Variants in GRM4 observed in about 807,000 individuals in gnomAD.
GRM4 encodes the protein metabotropic glutamate receptor 4.
GRM4 carries 28 observed loss-of-function variants against 81.7 expected under a neutral mutation model. The observed-to-expected ratio is 0.34, with a 90% confidence interval of 0.25 to 0.47. The LOEUF is 0.47. Among genes scored for constraint, GRM4 ranks in the 20% least tolerant of loss-of-function variants. The pLI is 1.00. For missense variants in GRM4, 948 were observed against 1,290.0 expected (o/e 0.73, Z 4.06); for synonymous variants, 488 against 528.8 (o/e 0.92, Z 1.06).
intron 6 of GRM4, chr6:34,054,852 GCACTTC>G (rs1366536783): frequency 2.0e-5 from 3 of 152,164 alleles, no homozygotes; most frequent in Non-Finnish European, 4.4e-5. Flanking sequence ...TCCCGCCTGG[GCACTTC>G]CAAGAACCGA....
Position 34,137,000 on chromosome 6 carries a change from A to C in GRM4, c.-363-3141T>G, listed in dbSNP as rs1770486533. 6.6e-6 allele frequency among the ~76,000 whole-genome samples: 1 copy of C among 152,178 alleles called. No individual in the cohort carries two copies. The highest frequency in any genetic ancestry group is 1.5e-5 in the Non-Finnish European group (1 of 68,018). ...CCCCGCAGGGCCTGCTTCCTTCTGCAGAGGGAAGAGCTGGGGGCACATAGA... is the reference window on the plus strand; with the variant it reads ...CCCCGCAGGGCCTGCTTCCTTCTGCCGAGGGAAGAGCTGGGGGCACATAGA... On this transcript the variant is annotated intron_variant, in intron 1 of 10. Coordinates refer to ENST00000538487, the MANE Select transcript of GRM4 (RefSeq NM_000841.4). This position sits in a 1 kb window ranked among gnomAD's most constrained non-coding sequence, Gnocchi z 4.1.
At chr6:34,101,557 C>T (rs907615225) in intron 2 of GRM4, among the ~76,000 whole-genome samples, 2 of 152,222 alleles carry the variant, frequency 1.3e-5, no homozygotes, top group African/African-American at 2.4e-5. Context: ...GTGAGAAGGC[C>T]GCCCCCATCC....
intron 2 of GRM4, among the ~76,000 whole-genome samples, chr6:34,098,259 T>C (rs990876437): frequency 5.9e-5 from 9 of 152,210 alleles, no homozygotes; most frequent in African/African-American, 2.2e-4. Flanking sequence ...ATTTTGTAGA[T>C]GAGGAAGCTG....
chr6:34,103,017 C>T (rs994563950), intron 2 of GRM4, among the ~76,000 whole-genome samples: 1 of 152,226 alleles, frequency 6.6e-6, no homozygotes, highest in Non-Finnish European at 1.5e-5. Flanking sequence ...CTTCCTCCCT[C>T]CTGGGTTCAG....
At chr6:34,066,855 G>A (rs939063505) in intron 3 of GRM4, among the ~76,000 whole-genome samples, 2 of 152,092 alleles carry the variant, frequency 1.3e-5, no homozygotes, top group Non-Finnish European at 2.9e-5. Flanking sequence ...AGGGTGCCGC[G>A]GTCCTCACGT....
At position 34,136,601 on chromosome 6, in the gene GRM4, C is replaced by CAT. The variant is rs1305987327; in HGVS notation, c.-363-2743_-363-2742insAT. Among the ~76,000 whole-genome samples the CAT allele has an allele frequency of 3.5e-5, 5 of 143,114 alleles. No individual in the cohort carries two copies. Among genetic ancestry groups the CAT allele is most frequent in the African/African-American group, 1.2e-4 (5 of 40,500 alleles). The allele number at this position is 143,114 out of a possible 152,430, so 93.9% of individuals were successfully genotyped here. Reference sequence around the variant, plus strand: ...ACACACACACACACACACACACACACACACGGGGAAGGACAGATGCCATGG... The same window carrying CAT: ...ACACACACACACACACACACACACACATACACGGGGAAGGACAGATGCCATGG... On this transcript the variant is annotated intron_variant, in intron 1 of 10. Coordinates refer to ENST00000538487, the MANE Select transcript of GRM4 (RefSeq NM_000841.4). The surrounding 1 kb of genome is among the most constrained non-coding windows in gnomAD (Gnocchi z 4.1).
In GRM4 at chr6:34,068,911, C is replaced by T. The variant is rs72888817; in HGVS notation, c.737-6883G>A. ...GCCAGCAGAGACATAGGCACATCCTCGCTTTCTCCCTTCCTTTAAAAAGAA... is the reference window on the plus strand; with the variant it reads ...GCCAGCAGAGACATAGGCACATCCTTGCTTTCTCCCTTCCTTTAAAAAGAA... On this transcript the variant is annotated intron_variant, in intron 3 of 10. Transcript: ENST00000538487. This position sits in a 1 kb window ranked among gnomAD's most constrained non-coding sequence, Gnocchi z 4.2. 0.075 allele frequency among the ~76,000 whole-genome samples: 11,380 copies of T among 152,218 alleles called. 597 individuals are homozygous for T. The highest frequency in any genetic ancestry group is 0.11 in the Non-Finnish European group (7,645 of 68,008).
At chr6:34,107,305 G>A (rs1366678769) in intron 2 of GRM4, among the ~76,000 whole-genome samples, 1 of 152,166 alleles carries the variant, frequency 6.6e-6, no homozygotes. Flanking sequence ...AGGGGGGAGA[G>A]GCGATATGGC....
At chr6:34,075,620 C>T (rs1336827687) in intron 3 of GRM4, among the ~76,000 whole-genome samples, 1 of 152,218 alleles carries the variant, frequency 6.6e-6, no homozygotes, top group African/African-American at 2.4e-5. Flanking sequence ...GTTCAAATCC[C>T]AGCTCTGCTA....
In GRM4 at chr6:34,034,323, C is replaced by T. The variant is rs908368967; in HGVS notation, c.2442+1345G>A. The stretch of plus-strand genomic sequence containing the variant: ...GTCCTCCTTGACTCGACTGTCTCCT[C>T]GTCTCCCACCCAACGTGCCATCCAT... On this transcript the variant is annotated intron_variant, in intron 9 of 10. Transcript: ENST00000538487. This position sits in a 1 kb window ranked among gnomAD's most constrained non-coding sequence, Gnocchi z 4.0. 6.6e-5 allele frequency among the ~76,000 whole-genome samples: 10 copies of T among 152,176 alleles called. No individual in the cohort carries two copies. The highest frequency in any genetic ancestry group is 2.1e-4 in the South Asian group (1 of 4,832).
intron 3 of GRM4, among the ~76,000 whole-genome samples, chr6:34,067,368 C>T (rs145085565): frequency 6.0e-5 from 9 of 150,682 alleles, no homozygotes; most frequent in Non-Finnish European, 1.0e-4. Context: ...CTCCTTCCTT[C>T]GCTCCCTCCC....
chr6:34,152,090 G>A lies in GRM4; in HGVS notation c.312+2989C>T, dbSNP rs775288835. Among the ~76,000 whole-genome samples the A allele has an allele frequency of 1.2e-4, 18 of 152,208 alleles. No individual in the cohort carries two copies. The highest frequency in any genetic ancestry group is 2.6e-4 in the African/African-American group (11 of 41,530). ...GACCACACAAGCTCGTTAACTGATC[G>A]GCAGTTGAGAATACCAGGTGGGCCC... is the stretch of plus-strand genomic sequence containing the variant. On this transcript the variant is annotated intron_variant, in intron 1 of 8. Transcript: ENST00000374177. The surrounding 1 kb of genome is among the most constrained non-coding windows in gnomAD (Gnocchi z 4.1).
At chr6:34,033,042 G>A (rs1027173496) in intron 9 of GRM4, among the ~76,000 whole-genome samples, 4 of 152,124 alleles carry the variant, frequency 2.6e-5, no homozygotes, top group African/African-American at 7.2e-5. Context: ...GGCTCCATGG[G>A]GCCCATGAGC....
intron 2 of GRM4, among the ~76,000 whole-genome samples, chr6:34,119,788 C>T (rs778992452): frequency 6.6e-6 from 1 of 152,178 alleles, no homozygotes; most frequent in Non-Finnish European, 1.5e-5. Context: ...GAAGCATGTC[C>T]CTGGAAATGC....
At chr6:34,083,376 A>C (rs746376829) in intron 3 of GRM4, among the ~76,000 whole-genome samples, 48 of 152,200 alleles carry the variant, frequency 3.2e-4, no homozygotes, top group Non-Finnish European at 5.9e-4. Flanking sequence ...TCACAACAGA[A>C]CAGAGACTGA....
At chr6:34,140,523 C>A (rs550777579) in intron 1 of GRM4, among the ~76,000 whole-genome samples, 3 of 152,152 alleles carry the variant, frequency 2.0e-5, no homozygotes, top group Non-Finnish European at 4.4e-5. Context: ...CAAGTCCCAT[C>A]GACAAGGCAA....
chr6:34,112,284 C>A (rs1453867874), intron 2 of GRM4, among the ~76,000 whole-genome samples: 1 of 152,174 alleles, frequency 6.6e-6, no homozygotes, highest in East Asian at 1.9e-4. Flanking sequence ...CCCAGGGAGG[C>A]AGCATCTCCC....
At chr6:34,149,140 C>T (rs982467269), upstream of GRM4, among the ~76,000 whole-genome samples, 2 of 152,172 alleles carry the variant, frequency 1.3e-5, no homozygotes, top group Admixed American at 6.5e-5. Context: ...GCAACTCCCC[C>T]CCAACCTTTT....
chr6:34,153,388 G>A (rs115958138), intron 1 of GRM4, among the ~76,000 whole-genome samples: 16 of 152,276 alleles, frequency 1.1e-4, no homozygotes, highest in South Asian at 4.1e-4. Context: ...CCCACACTCC[G>A]GGCATCTCCA....
Sources: allele counts gnomAD v4.1 joint callset (sites outside exome capture counted in the v4.1 genomes callset), GRCh38; gene constraint gnomAD v4.1.1; non-coding constraint Gnocchi (gnomAD v3.1); transcripts MANE v1.5; gene names NCBI Gene and HGNC (gene_info 2026-07-23, HGNC 2026-07-21).